Variants in GUCD1 observed in about 807,000 individuals in gnomAD.
The protein encoded by GUCD1 is guanylyl cyclase domain containing 1, also known as protein GUCD1.
In GUCD1, 17 loss-of-function variants were observed where a neutral mutation model predicts 28.3. The observed-to-expected ratio is 0.60, with a 90% CI of 0.41 to 0.90. The LOEUF is 0.90. GUCD1 is among the 40% of genes least tolerant of loss of function. The probability of loss-of-function intolerance (pLI) is 0.00; values close to 1 mark genes in which losing one functional copy is unlikely to be tolerated. For synonymous variants in GUCD1, 129 were observed against 123.3 expected, an observed-to-expected ratio of 1.05 and a Z score of -0.30; for missense variants, 279 against 305.5, an observed-to-expected ratio of 0.91 and a Z score of 0.65.
chr22:24,548,945 C>T lies in GUCD1; in HGVS notation c.100G>A (p.Gly34Ser). 1.3e-6 allele frequency: 2 copies of T among 1,585,030 alleles called. No homozygotes were observed. Among genetic ancestry groups the T allele is most frequent in the East Asian group, 2.3e-5 (1 of 43,910 alleles). Residue 34 changes from glycine (G) to serine (S), a missense_variant, in exon 2 of 6, where the codon GGC becomes AGC. Transcript: ENST00000435822. Reference sequence around the variant, plus strand: ...AGCACCATCCTGGAGCAGGCCAGGCCACAGTCCCAGTGGTAGAGCTGCTGG... The same window carrying T: ...AGCACCATCCTGGAGCAGGCCAGGCTACAGTCCCAGTGGTAGAGCTGCTGG... ...VIQQLYHWDCGLACSRMVLRY... is the reference protein window; with the variant it reads ...VIQQLYHWDCSLACSRMVLRY...
intron 5 of GUCD1, among the ~76,000 whole-genome samples, chr22:24,543,562 A>G (rs2044647468): frequency 6.6e-6 from 1 of 152,008 alleles, no homozygotes; most frequent in Non-Finnish European, 1.5e-5. Flanking sequence ...GCAGCATGAA[A>G]GGGTAAGGCA....
rs149335484 is a variant in GUCD1 at position 24,542,617 on chromosome 22, C to G, written c.*389G>C. ...TGTCTCCAGACACTCACATACTGTC[C>G]TGACAAGTGGCATCCGTCAAGCAAC... On this transcript the variant is annotated 3_prime_UTR_variant, in exon 6 of 6. Transcript: ENST00000435822. 256 of 256,612 alleles carry G rather than the reference C, an allele frequency of 1.0e-3. 1 individual carries two copies. The highest frequency in any genetic ancestry group is 5.5e-3 in the African/African-American group (246 of 44,922). 15.9% of individuals were successfully genotyped at this position (256,612 alleles called of 1,614,324 possible).
At chr22:24,550,681 A>ATC (rs2044849029) in intron 1 of GUCD1, among the ~76,000 whole-genome samples, 1 of 152,142 alleles carries the variant, frequency 6.6e-6, no homozygotes, top group Admixed American at 6.5e-5. Context: ...GCGCCAGCTA[A>ATC]GACGGCCACT....
At chr22:24,551,106 G>A (rs954663054) in intron 1 of GUCD1, among the ~76,000 whole-genome samples, 2 of 152,154 alleles carry the variant, frequency 1.3e-5, no homozygotes, top group Non-Finnish European at 2.9e-5. Flanking sequence ...ACTACCAGAC[G>A]CCAGCCTGCA....
At chr22:24,553,005 G>A (rs2044923616) in intron 1 of GUCD1, among the ~76,000 whole-genome samples, 1 of 152,078 alleles carries the variant, frequency 6.6e-6, no homozygotes, top group African/African-American at 2.4e-5. Flanking sequence ...GCTAGGCTCT[G>A]GGGACACAAA....
chr22:24,547,198 G>C, intron 3 of GUCD1, 193 bp from the exon 4 acceptor site: 1 of 578,202 alleles, frequency 1.7e-6, no homozygotes, highest in Admixed American at 2.8e-5. Flanking sequence ...CAGGGAAGCA[G>C]GACCACACAG....
At position 24,546,931 on chromosome 22, in the gene GUCD1, C is replaced by T; in HGVS notation, c.369G>A (p.Lys123=). 1 of 1,614,070 alleles carries T rather than the reference C, an allele frequency of 6.2e-7. No individual in the cohort carries two copies. The highest frequency in any genetic ancestry group is 1.7e-4 in the Middle Eastern group (1 of 6,006). The change falls in exon 4 of 6, where the codon AAG becomes AAA. Residue 123 remains lysine, a synonymous_variant. Transcript: ENST00000435822. Reference sequence around the variant, plus strand: ...GGGCTCACCATTTCTCCACCAGCACCTTGCAGGCCTTTGCTTGTGCAAACA... The same window carrying T: ...GGGCTCACCATTTCTCCACCAGCACTTTGCAGGCCTTTGCTTGTGCAAACA... ...NQLFAQAKAC[K]VLVEKCTVSV... is the part of the protein sequence containing the mutation.
chr22:24,551,997 G>A (rs1393437883), intron 1 of GUCD1, among the ~76,000 whole-genome samples: 1 of 152,214 alleles, frequency 6.6e-6, no homozygotes, highest in Non-Finnish European at 1.5e-5. Flanking sequence ...ACTAGCATAG[G>A]CCATTTTTTT....
chr22:24,546,723 T>C (rs767077809), intron 4 of GUCD1, among the ~76,000 whole-genome samples, 191 bp downstream of exon 4: 2 of 152,198 alleles, frequency 1.3e-5, no homozygotes, highest in African/African-American at 2.4e-5. Flanking sequence ...GCCTGGGTCA[T>C]GTAGCCCCAG....
chr22:24,544,386 C>T (rs1434604283), intron 4 of GUCD1, among the ~76,000 whole-genome samples: 4 of 152,122 alleles, frequency 2.6e-5, no homozygotes, highest in East Asian at 1.9e-4. Flanking sequence ...GAGCAGCACA[C>T]AGAAACCATC....
chr22:24,545,344 A>C (rs2044698841), intron 4 of GUCD1, among the ~76,000 whole-genome samples: 1 of 152,156 alleles, frequency 6.6e-6, no homozygotes, highest in African/African-American at 2.4e-5. Context: ...ATAGGGAAAA[A>C]GCAGGGGCTT....
At chr22:24,554,243 A>C (rs1266436660) in intron 1 of GUCD1, among the ~76,000 whole-genome samples, 2 of 152,212 alleles carry the variant, frequency 1.3e-5, no homozygotes, top group African/African-American at 4.8e-5. Context: ...GTCTCAGACC[A>C]CAGGGCTAGA....
At chr22:24,555,814 G>A (rs1235261857), upstream of GUCD1, 5 of 1,547,238 alleles carry the variant, frequency 3.2e-6, no homozygotes, top group Admixed American at 7.8e-5. Flanking sequence ...GGCGGCCCCC[G>A]GGCCCAGTCA....
intron 3 of GUCD1, 97 bp downstream of exon 3, chr22:24,547,811 C>A: frequency 7.6e-7 from 1 of 1,318,258 alleles, no homozygotes; most frequent in South Asian, 1.3e-5. Flanking sequence ...ACCTGGGTGT[C>A]TAGCCCTTGA....
chr22:24,552,788 AG>A (rs2044916426), intron 1 of GUCD1, among the ~76,000 whole-genome samples: 1 of 150,924 alleles, frequency 6.6e-6, no homozygotes, highest in African/African-American at 2.4e-5. Context: ...AAAAAGGAAA[AG>A]GAAAAAAAAG....
chr22:24,555,101 C>G lies in GUCD1; in HGVS notation c.-110G>C. On this transcript the variant is annotated 5_prime_UTR_variant, in exon 1 of 6. Coordinates refer to ENST00000435822, the MANE Select transcript of GUCD1 (RefSeq NM_001284254.2). ...GCGTGTCGAGTTCCTTCTCCGCCAC[C>G]GCCGCCGCTGCGGAGGAGAGAACGG... The G allele has an allele frequency of 7.6e-7, 1 of 1,308,524 alleles. No individual in the cohort carries two copies. Among genetic ancestry groups the G allele is most frequent in the Non-Finnish European group, 9.7e-7 (1 of 1,026,494 alleles). 81.1% of individuals were successfully genotyped at this position (1,308,524 alleles called of 1,614,324 possible).
Position 24,548,966 on chromosome 22 carries a change from G to T in GUCD1, c.79C>A (p.Gln27Lys). 1 of 1,586,702 alleles carries T rather than the reference G, an allele frequency of 6.3e-7. No homozygotes were observed. The highest frequency in any genetic ancestry group is 1.8e-5 in the Admixed American group (1 of 55,394). Residue 27 changes from glutamine (Q) to lysine (K), a missense_variant, in exon 2 of 6, where the codon CAG (glutamine) becomes AAG (lysine). By Grantham distance (53) the Gln-to-Lys change is moderately conservative (BLOSUM62 1). Transcript: ENST00000435822. The part of the protein sequence containing the change: ...FVQLPVPVIQ[Q>K]LYHWDCGLAC... ...AGGCCACAGTCCCAGTGGTAGAGCT[G>T]CTGGATGACGGGCACAGGCAGTTGC...
At chr22:24,543,694 A>T in intron 5 of GUCD1, 148 bp downstream of exon 5, 1 of 1,045,366 alleles carries the variant, frequency 9.6e-7, no homozygotes, top group Non-Finnish European at 1.4e-6. Flanking sequence ...CACAGTGACA[A>T]GAGCCCAGGA....
chr22:24,555,404 A>T, upstream of GUCD1: 1 of 1,225,930 alleles, frequency 8.2e-7, no homozygotes, highest in Non-Finnish European at 1.1e-6. Context: ...TCCTGAATAG[A>T]GGCTCGTCCC....
Sources: gnomAD v4.1 joint callset for allele counts (sites outside exome capture counted in the v4.1 genomes callset) on GRCh38, gnomAD v4.1.1 for gene constraint, MANE v1.5 for transcripts, NCBI Gene and HGNC (gene_info 2026-07-23, HGNC 2026-07-21) for gene names.